Variants in EFTUD2 observed in about 807,000 individuals in gnomAD.
EFTUD2 encodes the protein elongation factor Tu GTP binding domain containing 2.
In EFTUD2, 9 loss-of-function variants were observed where a neutral mutation model predicts 114.3. The observed-to-expected ratio is 0.08, with a 90% CI of 0.05 to 0.14. The LOEUF is 0.14. Among genes scored for constraint, EFTUD2 ranks in the 10% least tolerant of loss-of-function variants. EFTUD2 has a pLI of 1.00. For missense variants in EFTUD2, 765 were observed against 1,241.2 expected (o/e 0.62, Z 5.76); for synonymous variants, 449 against 462.3 (o/e 0.97, Z 0.37).
intron 13 of EFTUD2, 93 bp from the exon 14 acceptor site, chr17:44,865,158 A>G: frequency 6.6e-7 from 1 of 1,516,822 alleles, no homozygotes. Context: ...TATCTGAAGA[A>G]CTCCTTCACA....
chr17:44,872,346 A>C, intron 11 of EFTUD2, 100 bp downstream of exon 11: 2 of 1,499,240 alleles, frequency 1.3e-6, no homozygotes, highest in Non-Finnish European at 1.8e-6. Context: ...ATGTTCCCCC[A>C]GCAGGGTGCT....
At chr17:44,868,111 T>C (rs1172535203) in intron 12 of EFTUD2, among the ~76,000 whole-genome samples, 176 bp downstream of exon 12, 7 of 151,560 alleles carry the variant, frequency 4.6e-5, no homozygotes, top group Non-Finnish European at 8.8e-5. Context: ...AGAAACAGCT[T>C]CTCACCAGAT....
At position 44,862,373 on chromosome 17, in the gene EFTUD2, C is replaced by G. The variant is rs201950310; in HGVS notation, c.1607+340G>C. On this transcript the variant is annotated intron_variant, in intron 16 of 27. Transcript: ENST00000426333. Reference sequence around the variant, plus strand: ...CTGCTTGAGCCCAGGAGGCGGAGGTCGCAGTGAGCTGAGATTGTGCCACTG... The same window carrying G: ...CTGCTTGAGCCCAGGAGGCGGAGGTGGCAGTGAGCTGAGATTGTGCCACTG... 5.7e-4 allele frequency among the ~76,000 whole-genome samples: 86 copies of G among 152,076 alleles called. No homozygotes were observed. The East Asian group carries it at 0.016, about 28-fold the overall frequency.
rs768321543 is a variant in EFTUD2 at position 44,860,032 on chromosome 17, C to T, written c.1733G>A (p.Arg578Gln). The T allele has an allele frequency of 1.9e-5, 30 of 1,614,110 alleles. 1 individual carries two copies. The highest frequency in any genetic ancestry group is 3.3e-4 in the Middle Eastern group (2 of 6,062). Residue 578 changes from arginine to glutamine, a missense_variant, in exon 18 of 28, where the codon CGA (arginine) becomes CAA (glutamine). Around this residue, in one of 6 missense-constraint regions of EFTUD2, gnomAD observed 149 missense variants for 245.1 expected, o/e 0.61. Coordinates refer to ENST00000426333, the MANE Select transcript of EFTUD2 (RefSeq NM_004247.4). ...AGATGTGGTATTGAACTTCAAGGGT[C>T]GGAAAATCTGAGCCTGAGATCCAAA... ...PRGNEEAQIF[R>Q]PLKFNTTSVI... is the part of the protein sequence containing the mutation.
chr17:44,871,344 T>TCCCTCA (rs1235798978), intron 11 of EFTUD2, among the ~76,000 whole-genome samples: 1 of 137,508 alleles, frequency 7.3e-6, no homozygotes, highest in African/African-American at 2.7e-5. Context: ...TGAACTTCAA[T>TCCCTCA]TTTTTTTTTT....
chr17:44,868,031 G>T, intron 12 of EFTUD2, 134 bp from the exon 13 acceptor site: 1 of 958,278 alleles, frequency 1.0e-6, no homozygotes, highest in Non-Finnish European at 1.5e-6. Flanking sequence ...AGTTTCCAGA[G>T]ACAGATTCCT....
chr17:44,864,902 A>AAC, intron 14 of EFTUD2, 28 bp downstream of exon 14: 1 of 1,609,946 alleles, frequency 6.2e-7, no homozygotes, highest in Non-Finnish European at 8.5e-7. Flanking sequence ...AGGATGACAG[A>AAC]GTTAAGGGGC....
At chr17:44,876,853 CTCAAAAA>C in intron 9 of EFTUD2, among the ~76,000 whole-genome samples, 1 of 22,762 alleles carries the variant, frequency 4.4e-5, no homozygotes, top group Non-Finnish European at 7.0e-5. Flanking sequence ...GAGACTCCGT[CTCAAAAA>C]AAAAAAAAAA....
chr17:44,867,868 C>G lies in EFTUD2; in HGVS notation c.1088G>C (p.Ser363Thr). The G allele has an allele frequency of 6.2e-7, 1 of 1,604,230 alleles. No individual in the cohort carries two copies. Among genetic ancestry groups the G allele is most frequent in the Non-Finnish European group, 8.5e-7 (1 of 1,175,152 alleles). ...CTCCACGAAACTTCTCTGGGAGCTG[C>G]TAGTTGGGGCCTTTTTGGTGAACTT... Reference protein sequence around the residue: ...TRKFTKKAPTSSSQRSFVEFI... With the variant: ...TRKFTKKAPTTSSQRSFVEFI... The change falls in exon 13 of 28, where the codon AGC (serine) becomes ACC (threonine). Residue 363 changes from serine (S) to threonine (T), a missense_variant. Physicochemically the swap from Ser to Thr is moderately conservative, Grantham distance 58. Transcript: ENST00000426333.
At chr17:44,859,777 C>A in intron 18 of EFTUD2, 128 bp downstream of exon 18, 1 of 1,469,344 alleles carries the variant, frequency 6.8e-7, no homozygotes, top group South Asian at 1.3e-5. Flanking sequence ...ATAGGCTGGG[C>A]TTGCTCCTGA....
chr17:44,856,999 G>A, intron 20 of EFTUD2, 76 bp downstream of exon 20: 1 of 1,222,888 alleles, frequency 8.2e-7, no homozygotes. Flanking sequence ...GCTCATGGTG[G>A]GGGTAGAGGT....
Position 44,883,117 on chromosome 17 carries a change from T to C in EFTUD2, c.468A>G (p.Glu156=). 2 of 1,614,132 alleles carry C rather than the reference T, an allele frequency of 1.2e-6. No individual in the cohort carries two copies. The highest frequency in any genetic ancestry group is 1.7e-6 in the Non-Finnish European group (2 of 1,180,028). Reference sequence around the variant, plus strand: ...CATCTTGGTCATAGCGCTTTCTGATTTCCGGGTGAGTCTGTTCAATTAAAC... The same window carrying C: ...CATCTTGGTCATAGCGCTTTCTGATCTCCGGGTGAGTCTGTTCAATTAAAC... ...VDCLIEQTHP[E]IRKRYDQDLC... Residue 156 remains glutamate (E), a synonymous_variant, in exon 6 of 28, where the codon GAA becomes GAG. Transcript: ENST00000426333.
rs2050439546 is a variant in EFTUD2, at chr17:44,851,094, G to A, written c.*180C>T. 1.7e-6 allele frequency: 1 copy of A among 584,954 alleles called. No homozygotes were observed. Among genetic ancestry groups the A allele is most frequent in the Non-Finnish European group, 3.1e-6 (1 of 325,814 alleles). The allele number at this position is 584,954 out of a possible 1,614,324, so 36.2% of individuals were successfully genotyped here. The stretch of plus-strand genomic sequence containing the variant: ...GCAGAGGCCACAGAAGGAAGCAGGA[G>A]GCCAAATGCTCCTCTCTCACTGGGG... On this transcript the variant is annotated 3_prime_UTR_variant, in exon 28 of 28. Transcript: ENST00000426333.
intron 11 of EFTUD2, among the ~76,000 whole-genome samples, chr17:44,869,961 C>T (rs1026025030): frequency 6.6e-6 from 1 of 152,230 alleles, no homozygotes; most frequent in African/African-American, 2.4e-5. Context: ...AGCGAGAGCA[C>T]ATGGTATCAG....
intron 11 of EFTUD2, among the ~76,000 whole-genome samples, chr17:44,871,343 ATT>A (rs1194051362): frequency 8.0e-6 from 1 of 125,152 alleles, no homozygotes; most frequent in Non-Finnish European, 1.7e-5. Flanking sequence ...CTGAACTTCA[ATT>A]TTTTTTTTTT....
At chr17:44,861,660 G>A (rs2050662693) in intron 16 of EFTUD2, among the ~76,000 whole-genome samples, 1 of 152,096 alleles carries the variant, frequency 6.6e-6, no homozygotes, top group Admixed American at 6.5e-5. Context: ...ATGAACCCAG[G>A]AGGTGGAGCT....
chr17:44,873,122 G>A (rs2050884580), intron 10 of EFTUD2: 2 of 152,596 alleles, frequency 1.3e-5, no homozygotes, highest in Admixed American at 6.5e-5. Context: ...ATAAGAAAAC[G>A]AGTTGTACAA....
chr17:44,869,303 A>C (rs577403670), intron 11 of EFTUD2, among the ~76,000 whole-genome samples: 2 of 152,240 alleles, frequency 1.3e-5, no homozygotes, highest in South Asian at 4.2e-4. Flanking sequence ...ATAATCACTG[A>C]ACTTTTTTTC....
chr17:44,885,221 T>C, intron 4 of EFTUD2, 35 bp downstream of exon 4: 1 of 1,554,134 alleles, frequency 6.4e-7, no homozygotes, highest in African/African-American at 1.4e-5. Context: ...ACCCACAGCA[T>C]TCCTGCAGAG....
Sources: allele counts gnomAD v4.1 joint callset (sites outside exome capture counted in the v4.1 genomes callset), GRCh38; gene constraint gnomAD v4.1.1; regional missense constraint gnomAD v4.1.1; transcripts MANE v1.5; gene names NCBI Gene and HGNC (gene_info 2026-07-23, HGNC 2026-07-21).